CRYL1: variants seen among roughly 807,000 people sequenced by gnomAD.
The protein encoded by CRYL1 is crystallin lambda 1, also known as lambda-crystallin homolog.
A neutral mutation model predicts 36.6 loss-of-function variants in CRYL1; 29 were observed. The observed-to-expected ratio is 0.79, with a 90% CI of 0.59 to 1.08. CRYL1 has a LOEUF of 1.08. Ranked by LOEUF, CRYL1 falls within the 50% of genes least tolerant of loss-of-function variation. CRYL1 has a pLI of 0.00. For missense variants in CRYL1, 411 were observed against 407.9 expected (o/e 1.01, Z -0.06); for synonymous variants, 152 against 151.5 (o/e 1.00, Z -0.02).
intron 3 of CRYL1, among the ~76,000 whole-genome samples, chr13:20,463,946 A>G (rs1271709735): frequency 6.6e-6 from 1 of 152,104 alleles, no homozygotes; most frequent in African/African-American, 2.4e-5. Flanking sequence ...AGGGAGAGCC[A>G]CTCTACACAA....
At chr13:20,520,871 C>T (rs7981997) in intron 1 of CRYL1, among the ~76,000 whole-genome samples, 12,936 of 152,032 alleles carry the variant, frequency 0.085, 1,425 homozygotes, top group African/African-American at 0.25. Flanking sequence ...TTTGGGAGGC[C>T]GAGGTGGGTG....
At chr13:20,454,708 C>G (rs60864088) in intron 3 of CRYL1, among the ~76,000 whole-genome samples, 6,244 of 152,184 alleles carry the variant, frequency 0.041, 426 homozygotes, top group African/African-American at 0.14. Context: ...CGTGAGCCAC[C>G]GCACCCGACC....
At chr13:20,409,622 C>G (rs1254829500) in intron 6 of CRYL1, among the ~76,000 whole-genome samples, 3 of 151,928 alleles carry the variant, frequency 2.0e-5, no homozygotes, top group Non-Finnish European at 4.4e-5. Flanking sequence ...AAAATTTTCA[C>G]AACCTACTCA....
chr13:20,420,476 G>A (rs2031774096), intron 5 of CRYL1, among the ~76,000 whole-genome samples: 1 of 151,148 alleles, frequency 6.6e-6, no homozygotes, highest in African/African-American at 2.4e-5. Flanking sequence ...GCTCACTGAG[G>A]CCTGACCTTA....
intron 6 of CRYL1, among the ~76,000 whole-genome samples, chr13:20,410,663 G>C (rs1316012361): frequency 6.6e-6 from 1 of 152,124 alleles, no homozygotes; most frequent in Non-Finnish European, 1.5e-5. Context: ...AAAGTAGTAC[G>C]TGAAAGAAAC....
chr13:20,478,845 C>A (rs1301556150), intron 3 of CRYL1, among the ~76,000 whole-genome samples: 1 of 152,040 alleles, frequency 6.6e-6, no homozygotes, highest in Middle Eastern at 3.2e-3. Context: ...CTCCGCCTCC[C>A]AGGTTCAAGT....
intron 3 of CRYL1, among the ~76,000 whole-genome samples, chr13:20,488,265 T>TAGAA (rs1367681752): frequency 1.3e-5 from 2 of 152,144 alleles, no homozygotes; most frequent in Non-Finnish European, 2.9e-5. Flanking sequence ...CAACTACGGG[T>TAGAA]AGAAACAGGT....
At chr13:20,419,400 T>G (rs1381353782) in intron 5 of CRYL1, among the ~76,000 whole-genome samples, 2 of 152,134 alleles carry the variant, frequency 1.3e-5, no homozygotes, top group Non-Finnish European at 2.9e-5. Flanking sequence ...TTCAAGCGAT[T>G]CTCCTGCTTC....
rs201036848 is a variant in CRYL1 at position 20,489,378 on chromosome 13, G to T, written c.268C>A (p.His90Asn). The change falls in exon 3 of 8, where the codon CAC (histidine) becomes AAC (asparagine). Residue 90 changes from histidine (H) to asparagine (N), a missense_variant. Physicochemically the swap from His to Asn is moderately conservative, Grantham distance 68 (BLOSUM62 1). Coordinates refer to ENST00000298248, the MANE Select transcript of CRYL1 (RefSeq NM_015974.3). ...NIQEAVEGAM[H>N]IQECVPEDLE... ...CAGTGTCCTTCACTCACCTGAATGT[G>T]CATGGCACCCTCTACTGCTTCTTGG... is the stretch of plus-strand genomic sequence containing the variant. 6.5e-5 allele frequency: 105 copies of T among 1,613,078 alleles called. No homozygotes were observed. The highest frequency in any genetic ancestry group is 8.6e-5 in the Non-Finnish European group (101 of 1,180,016).
chr13:20,517,752 T>C (rs1362257001), intron 1 of CRYL1, among the ~76,000 whole-genome samples: 3 of 151,608 alleles, frequency 2.0e-5, no homozygotes, highest in Admixed American at 2.0e-4. Context: ...CTGGCTAACA[T>C]GGTGAAACCC....
chr13:20,509,400 T>G (rs2033872988), intron 2 of CRYL1, among the ~76,000 whole-genome samples: 1 of 152,110 alleles, frequency 6.6e-6, no homozygotes. Flanking sequence ...AGCACTATGA[T>G]GGACCAGAAT....
Position 20,483,638 on chromosome 13 carries a change from C to G in CRYL1, c.276+5732G>C, listed in dbSNP as rs1038846571. Among the ~76,000 whole-genome samples, 3 of 152,136 alleles carry G rather than the reference C, an allele frequency of 2.0e-5. No individual in the cohort carries two copies. The East Asian group carries it at 5.8e-4, about 29-fold the overall frequency. On this transcript the variant is annotated intron_variant, in intron 3 of 7. Transcript: ENST00000298248. ...TACTGCAACCTCCACCTCCTGGGCT[C>G]AAGTGATCCTCCCACCTCAGCCTCC...
chr13:20,492,152 T>C (rs888701185), intron 2 of CRYL1, among the ~76,000 whole-genome samples: 2 of 152,202 alleles, frequency 1.3e-5, no homozygotes, highest in African/African-American at 4.8e-5. Context: ...GCCTCTTAAG[T>C]GGCTTTATTC....
At chr13:20,432,043 G>C in intron 5 of CRYL1, 59 bp downstream of exon 5, 2 of 1,612,708 alleles carry the variant, frequency 1.2e-6, no homozygotes, top group East Asian at 4.5e-5. Context: ...AACTTTGAGA[G>C]GGAGGGAAGA....
At chr13:20,405,941 C>G (rs2031363365) in intron 6 of CRYL1, 1 of 152,312 alleles carries the variant, frequency 6.6e-6, no homozygotes, top group African/African-American at 2.4e-5. Context: ...TGCCGGGAGG[C>G]GAACGGGCTG....
At chr13:20,457,945 G>C (rs559618326) in intron 3 of CRYL1, among the ~76,000 whole-genome samples, 1 of 152,118 alleles carries the variant, frequency 6.6e-6, no homozygotes, top group African/African-American at 2.4e-5. Context: ...AGGTGACCCC[G>C]GCAGAGCCTC....
chr13:20,469,367 C>A (rs1169868293), intron 3 of CRYL1, among the ~76,000 whole-genome samples: 1 of 152,220 alleles, frequency 6.6e-6, no homozygotes. Flanking sequence ...CAATGTTTTA[C>A]ACCTCTGAAC....
intron 5 of CRYL1, among the ~76,000 whole-genome samples, chr13:20,417,301 C>A (rs575324239): frequency 2.0e-5 from 3 of 152,160 alleles, no homozygotes; most frequent in Non-Finnish European, 4.4e-5. Context: ...GACAAATAAT[C>A]ATTTGTCATT....
chr13:20,524,619 C>T (rs1036792329), intron 1 of CRYL1, among the ~76,000 whole-genome samples: 1 of 152,152 alleles, frequency 6.6e-6, no homozygotes, highest in African/African-American at 2.4e-5. Context: ...TCAGATGATC[C>T]GCCTGCCTCG....
Sources: gnomAD v4.1 joint callset for allele counts (sites outside exome capture counted in the v4.1 genomes callset) on GRCh38, gnomAD v4.1.1 for gene constraint, MANE v1.5 for transcripts, NCBI Gene and HGNC (gene_info 2026-07-23, HGNC 2026-07-21) for gene names.